FOXN3: variants seen among roughly 807,000 people sequenced by gnomAD.
The protein encoded by FOXN3 is forkhead box N3.
In FOXN3, 7 loss-of-function variants were observed where a neutral mutation model predicts 38.4. The observed-to-expected ratio is 0.18, with a 90% CI of 0.10 to 0.34. The LOEUF (loss-of-function observed/expected upper bound fraction) is 0.34, where lower values mean the gene tolerates loss of function less well. FOXN3 is among the 10% of genes least tolerant of loss of function. The pLI, the probability that FOXN3 is intolerant of heterozygous loss-of-function variation, is 1.00. For synonymous variants in FOXN3, 230 were observed against 242.2 expected (o/e 0.95, Z 0.47); for missense variants, 456 against 613.4 (o/e 0.74, Z 2.71).
At chr14:89,586,550 G>A (rs1361123553) in intron 1 of FOXN3, among the ~76,000 whole-genome samples, 1 of 152,180 alleles carries the variant, frequency 6.6e-6, no homozygotes, top group East Asian at 1.9e-4. Context: ...TACTATCCCT[G>A]ATCATGACTC....
At position 89,177,394 on chromosome 14, in the gene FOXN3, G is replaced by T. The variant is rs919897443; in HGVS notation, c.851+3307C>A. Among the ~76,000 whole-genome samples, 15 of 152,266 alleles carry T rather than the reference G, an allele frequency of 9.9e-5. 2 individuals are homozygous for T. Among genetic ancestry groups the T allele is most frequent in the East Asian group, 9.7e-4 (5 of 5,178 alleles). On this transcript the variant is annotated intron_variant, in intron 5 of 5. Coordinates refer to ENST00000557258, the MANE Select transcript of FOXN3 (RefSeq NM_005197.4). ...TTTCACATTTTACCAAAATGATTTTGTTCAAAACTCCTATGATGCTCAGGA... is the reference window on the plus strand; with the variant it reads ...TTTCACATTTTACCAAAATGATTTTTTTCAAAACTCCTATGATGCTCAGGA...
In FOXN3 at chr14:89,352,423, G is replaced by C. The variant is rs537125901; in HGVS notation, c.544-1615C>G. Among the ~76,000 whole-genome samples, 108 of 152,150 alleles carry C rather than the reference G, an allele frequency of 7.1e-4. 1 individual carries two copies. Among genetic ancestry groups the C allele is most frequent in the Non-Finnish European group, 1.4e-3 (96 of 68,030 alleles). On this transcript the variant is annotated intron_variant, in intron 2 of 5. Coordinates refer to ENST00000557258, the MANE Select transcript of FOXN3 (RefSeq NM_005197.4). ...TGTGCAGAAGAAAGCCAAAAGCTAA[G>C]GAGTGGAGAGGTTTGGGGGGAAAGA...
chr14:89,604,437 T>C (rs1264463651), intron 1 of FOXN3, among the ~76,000 whole-genome samples: 2 of 152,004 alleles, frequency 1.3e-5, no homozygotes, highest in Non-Finnish European at 1.5e-5. Flanking sequence ...TCGAGCTAGA[T>C]CAGATAGATT....
chr14:89,456,375 T>C (rs2139720330), intron 1 of FOXN3, among the ~76,000 whole-genome samples: 1 of 152,310 alleles, frequency 6.6e-6, no homozygotes, highest in South Asian at 2.1e-4. Context: ...ACCTTGGCTC[T>C]GTCTCTCATT....
intron 3 of FOXN3, chr14:89,284,594 A>T: frequency 2.2e-6 from 1 of 456,060 alleles, no homozygotes; most frequent in South Asian, 1.5e-5. Context: ...TAGAAAAAGC[A>T]ATCAGACTAA....
At chr14:89,374,304 GAAAAGA>G (rs963240772) in intron 2 of FOXN3, among the ~76,000 whole-genome samples, 15 of 139,312 alleles carry the variant, frequency 1.1e-4, no homozygotes, top group East Asian at 2.1e-4. Context: ...GGAAGGAAAG[GAAAAGA>G]AAAAGAAAAA....
chr14:89,339,775 C>A (rs557530527), intron 3 of FOXN3, among the ~76,000 whole-genome samples: 1 of 152,200 alleles, frequency 6.6e-6, no homozygotes, highest in Non-Finnish European at 1.5e-5. Context: ...TCTGCAGCAC[C>A]AATTCGGGGC....
chr14:89,365,945 G>A (rs1214370352), intron 2 of FOXN3, among the ~76,000 whole-genome samples: 1 of 152,066 alleles, frequency 6.6e-6, no homozygotes, highest in Non-Finnish European at 1.5e-5. Flanking sequence ...CTAACATAAA[G>A]TTATTCTGTA....
intron 2 of FOXN3, among the ~76,000 whole-genome samples, chr14:89,384,246 G>A (rs537635936): frequency 1.5e-4 from 23 of 152,338 alleles, no homozygotes; most frequent in South Asian, 4.1e-4. Context: ...TGCCCTGGGC[G>A]TGGCATGTGG....
intron 1 of FOXN3, among the ~76,000 whole-genome samples, chr14:89,502,151 G>C (rs751622818): frequency 6.6e-6 from 1 of 152,138 alleles, no homozygotes; most frequent in Non-Finnish European, 1.5e-5. Context: ...GACAAAGCAA[G>C]ACTCCACCTC....
intron 1 of FOXN3, among the ~76,000 whole-genome samples, chr14:89,579,701 C>A (rs1312349095): frequency 1.3e-5 from 2 of 152,160 alleles, no homozygotes; most frequent in Non-Finnish European, 2.9e-5. Flanking sequence ...ATGTACAAGG[C>A]TAGCCCCTTC....
At chr14:89,274,834 C>A (rs67938390) in intron 4 of FOXN3, among the ~76,000 whole-genome samples, 13,394 of 152,182 alleles carry the variant, frequency 0.088, 659 homozygotes, top group African/African-American at 0.13. Flanking sequence ...ATGTATACAT[C>A]CAACAGGCTC....
chr14:89,175,883 G>A (rs570301901), intron 5 of FOXN3, among the ~76,000 whole-genome samples: 1 of 152,284 alleles, frequency 6.6e-6, no homozygotes, highest in African/African-American at 2.4e-5. Flanking sequence ...AACCCAGGGT[G>A]TGGGACAGCC....
intron 3 of FOXN3, among the ~76,000 whole-genome samples, chr14:89,334,743 CTT>C (rs1566959575): frequency 6.6e-6 from 1 of 151,580 alleles, no homozygotes; most frequent in East Asian, 1.9e-4. Context: ...TTGTTTTGTT[CTT>C]TGTTTGTTTT....
At chr14:89,567,084 C>T (rs1895369661) in intron 1 of FOXN3, among the ~76,000 whole-genome samples, 1 of 152,206 alleles carries the variant, frequency 6.6e-6, no homozygotes, top group South Asian at 2.1e-4. Flanking sequence ...AAGGACCAGA[C>T]ATCCAGGTGC....
rs1227424120 is a variant in FOXN3, at chr14:89,161,552, CCTT to C, written c.*859_*861del. On this transcript the variant is annotated 3_prime_UTR_variant, in exon 6 of 6. Transcript: ENST00000557258. ...TTCCCCATCAGTTTTCTCTCTCTCT[CCTT>C]CGTGTGTGTGTGTGTGTGTGTGTGT... 9.5e-6 allele frequency: 1 copy of C among 105,448 alleles called. No individual in the cohort carries two copies. Among genetic ancestry groups the C allele is most frequent in the African/African-American group, 3.5e-5 (1 of 28,350 alleles). 6.5% of individuals were successfully genotyped at this position (105,448 alleles called of 1,614,324 possible).
At chr14:89,472,382 T>A (rs1442557434) in intron 1 of FOXN3, among the ~76,000 whole-genome samples, 1 of 152,128 alleles carries the variant, frequency 6.6e-6, no homozygotes, top group Non-Finnish European at 1.5e-5. Flanking sequence ...AGAAGTGACC[T>A]TCTTCTTCCA....
chr14:89,519,205 C>T (rs1188933905), intron 1 of FOXN3, among the ~76,000 whole-genome samples: 1 of 152,134 alleles, frequency 6.6e-6, no homozygotes, highest in Non-Finnish European at 1.5e-5. Flanking sequence ...GCACAGACTA[C>T]AAGCCGGGGA....
At chr14:89,372,245 C>A (rs1416455874) in intron 2 of FOXN3, among the ~76,000 whole-genome samples, 1 of 151,982 alleles carries the variant, frequency 6.6e-6, no homozygotes, top group African/African-American at 2.4e-5. Context: ...AATTTACTAT[C>A]CTGCAAAACT....
Sources: allele counts gnomAD v4.1 joint callset (sites outside exome capture counted in the v4.1 genomes callset), GRCh38; gene constraint gnomAD v4.1.1; transcripts MANE v1.5; gene names NCBI Gene and HGNC (gene_info 2026-07-23, HGNC 2026-07-21).